The following SVOP variants were observed in gnomAD, a reference collection of about 807,000 sequenced individuals.
The protein encoded by SVOP is SV2 related protein.
Under a neutral mutation model 69.1 loss-of-function variants are expected in SVOP, and 17 were observed. The observed-to-expected ratio is 0.25, with a 90% confidence interval of 0.17 to 0.37. The LOEUF (loss-of-function observed/expected upper bound fraction) is 0.37. Among genes scored for constraint, SVOP ranks in the 10% least tolerant of loss-of-function variants. SVOP has a pLI of 1.00. For synonymous variants in SVOP, 238 were observed against 238.6 expected (o/e 1.00, Z 0.02); for missense variants, 435 against 597.5 (o/e 0.73, Z 2.84).
At chr12:108,969,740 T>G (rs2040068087) in intron 5 of SVOP, among the ~76,000 whole-genome samples, 1 of 151,878 alleles carries the variant, frequency 6.6e-6, no homozygotes, top group Non-Finnish European at 1.5e-5. Flanking sequence ...CCTTCCTCTC[T>G]CCTGTCCTTA....
chr12:108,916,827 C>T (rs1260319751), intron 14 of SVOP, among the ~76,000 whole-genome samples: 3 of 152,278 alleles, frequency 2.0e-5, no homozygotes, highest in South Asian at 2.1e-4. Context: ...ACTGCAGCCT[C>T]GACCTCCCCG....
chr12:108,920,515 C>G (rs2039741736), intron 12 of SVOP, among the ~76,000 whole-genome samples: 2 of 152,044 alleles, frequency 1.3e-5, no homozygotes, highest in Middle Eastern at 3.4e-3. Flanking sequence ...AAATAACACA[C>G]TCTACCTCAG....
chr12:108,983,941 T>C (rs1179524944), intron 1 of SVOP, among the ~76,000 whole-genome samples, 180 bp from the exon 2 acceptor site: 1 of 152,154 alleles, frequency 6.6e-6, no homozygotes, highest in Non-Finnish European at 1.5e-5. Context: ...ACTTCAAGAG[T>C]TATAATATCA....
At chr12:108,959,070 A>G (rs1474903986) in intron 6 of SVOP, among the ~76,000 whole-genome samples, 2 of 152,144 alleles carry the variant, frequency 1.3e-5, no homozygotes, top group East Asian at 1.9e-4. Context: ...CTCTTGCTCA[A>G]TGCTGCGTCC....
At chr12:108,931,666 T>C (rs1479835330) in intron 11 of SVOP, among the ~76,000 whole-genome samples, 4 of 152,004 alleles carry the variant, frequency 2.6e-5, no homozygotes, top group African/African-American at 9.7e-5. Flanking sequence ...ACCCCGTCTC[T>C]ACTAAAAAAT....
intron 15 of SVOP, among the ~76,000 whole-genome samples, chr12:108,913,145 C>T (rs1268658491): frequency 6.6e-6 from 1 of 151,992 alleles, no homozygotes; most frequent in Non-Finnish European, 1.5e-5. Context: ...AATCTTGGCT[C>T]ACCGCAACCT....
chr12:109,013,061 G>A (rs369196727), intron 1 of SVOP, among the ~76,000 whole-genome samples: 3 of 152,264 alleles, frequency 2.0e-5, no homozygotes, highest in South Asian at 2.1e-4. Flanking sequence ...TAACACAGCC[G>A]ACAGACAGAT....
At chr12:109,009,530 A>C (rs1379311778) in intron 1 of SVOP, among the ~76,000 whole-genome samples, 5 of 152,070 alleles carry the variant, frequency 3.3e-5, no homozygotes, top group Admixed American at 1.3e-4. Context: ...CTCCTGCCTC[A>C]GCCTCCCGAG....
Position 108,910,914 on chromosome 12 carries a change from T to A in SVOP, c.*1621A>T, listed in dbSNP as rs7294679. The A allele has an allele frequency of 0.74, 111,939 of 152,108 alleles. 41,626 individuals carry two copies. The highest frequency in any genetic ancestry group is 1 in the East Asian group (5,159 of 5,168). 9.4% of individuals were successfully genotyped at this position (152,108 alleles called of 1,614,324 possible). ...CATCACTGACATGTTTTAATAAGAG[T>A]TGAACGCACAAATTGGCTTCCTTGC... On this transcript the variant is annotated 3_prime_UTR_variant, in exon 16 of 16. Coordinates refer to ENST00000610966, the MANE Select transcript of SVOP (RefSeq NM_018711.5).
intron 5 of SVOP, among the ~76,000 whole-genome samples, chr12:108,961,610 T>G (rs2040018241): frequency 6.6e-6 from 1 of 152,172 alleles, no homozygotes; most frequent in Non-Finnish European, 1.5e-5. Context: ...GATGGGAAGC[T>G]TCAGTGTCAG....
rs780834498 is a variant in SVOP at position 108,915,893 on chromosome 12, A to G, written c.1351-21T>C. ...TAGACCTGAAACACAGCAGCCGGAT[A>G]TAGGCATGGGGACATGCAGGTTCCT... is the stretch of plus-strand genomic sequence containing the variant. On this transcript the variant is annotated intron_variant, in intron 14 of 15. Transcript: ENST00000610966. The G allele has an allele frequency of 2.7e-5, 43 of 1,580,146 alleles. No homozygotes were observed. The East Asian group carries it at 4.1e-4, about 15-fold the overall frequency.
intron 1 of SVOP, among the ~76,000 whole-genome samples, chr12:108,991,521 T>C (rs903714837): frequency 6.6e-5 from 10 of 151,990 alleles, no homozygotes; most frequent in African/African-American, 1.9e-4. Context: ...AGTATCCTGA[T>C]CTTGGCTCAC....
At chr12:109,003,685 G>A (rs549210186) in intron 1 of SVOP, among the ~76,000 whole-genome samples, 12 of 152,182 alleles carry the variant, frequency 7.9e-5, no homozygotes, top group East Asian at 3.9e-4. Flanking sequence ...AAAGCTCACC[G>A]CACCCTCCAA....
intron 6 of SVOP, among the ~76,000 whole-genome samples, chr12:108,951,173 G>C (rs1232534045): frequency 6.6e-6 from 1 of 152,208 alleles, no homozygotes; most frequent in Non-Finnish European, 1.5e-5. Flanking sequence ...ATCATTCTGA[G>C]GCAGGTTTCA....
chr12:108,946,709 T>C (rs886416932), intron 6 of SVOP, among the ~76,000 whole-genome samples: 8 of 137,408 alleles, frequency 5.8e-5, no homozygotes, highest in Non-Finnish European at 1.2e-4. Flanking sequence ...ATTATTATTA[T>C]TATTATTATT....
chr12:108,931,213 T>C (rs2039816133), intron 11 of SVOP, among the ~76,000 whole-genome samples: 1 of 152,160 alleles, frequency 6.6e-6, no homozygotes, highest in Non-Finnish European at 1.5e-5. Flanking sequence ...TCAATCCTTA[T>C]ACCAATAAAC....
intron 9 of SVOP, among the ~76,000 whole-genome samples, chr12:108,937,649 C>A (rs2039864259): frequency 6.6e-6 from 1 of 152,038 alleles, no homozygotes; most frequent in Non-Finnish European, 1.5e-5. Context: ...AAGGACACAG[C>A]AAGCAGAAAA....
intron 1 of SVOP, among the ~76,000 whole-genome samples, chr12:108,988,774 T>C (rs1329182150): frequency 2.8e-5 from 4 of 140,898 alleles, no homozygotes; most frequent in African/African-American, 5.2e-5. Context: ...TTCTCTCTTT[T>C]TTTTTTTTTT....
chr12:108,946,623 T>C lies in SVOP; in HGVS notation c.579-1457A>G, dbSNP rs139697938. Among the ~76,000 whole-genome samples the C allele has an allele frequency of 5.3e-5, 8 of 151,554 alleles. No homozygotes were observed. The South Asian group carries it at 6.2e-4, about 12-fold the overall frequency. ...CTTTGTCTATCTTATCTTCTATCTA[T>C]CTATCTATCCATTTAATCAATAAGG... On this transcript the variant is annotated intron_variant, in intron 6 of 15. Transcript: ENST00000610966.
Sources: gnomAD v4.1 joint callset for allele counts (sites outside exome capture counted in the v4.1 genomes callset) on GRCh38, gnomAD v4.1.1 for gene constraint, MANE v1.5 for transcripts, NCBI Gene and HGNC (gene_info 2026-07-23, HGNC 2026-07-21) for gene names.